MROH7: variants seen among roughly 807,000 people sequenced by gnomAD.
The protein encoded by MROH7 is maestro heat like repeat family member 7, also known as maestro heat-like repeat-containing protein family member 7.
In MROH7, 113 loss-of-function variants were observed where a neutral mutation model predicts 129.2. The observed-to-expected ratio is 0.87, with a 90% CI of 0.75 to 1.02. MROH7 has a LOEUF of 1.02. Ranked by LOEUF, MROH7 falls within the 50% of genes least tolerant of loss-of-function variation. The pLI, the probability that MROH7 is intolerant of heterozygous loss-of-function variation, is 0.00. For missense variants in MROH7, 1,601 were observed against 1,671.3 expected (o/e 0.96, Z 0.73); for synonymous variants, 655 against 667.9 (o/e 0.98, Z 0.30).
At chr1:54,676,959 G>A (rs1433964126) in intron 10 of MROH7, among the ~76,000 whole-genome samples, 1 of 151,906 alleles carries the variant, frequency 6.6e-6, no homozygotes. Context: ...CGTCCCCCTC[G>A]ACCTCCCAAA....
intron 13 of MROH7, among the ~76,000 whole-genome samples, chr1:54,680,869 G>T (rs964782281): frequency 2.0e-5 from 3 of 152,228 alleles, no homozygotes; most frequent in Non-Finnish European, 2.9e-5. Flanking sequence ...GATCAGTCAG[G>T]ATGGTGAGGG....
At chr1:54,646,128 G>A (rs1236601630) in intron 1 of MROH7, among the ~76,000 whole-genome samples, 6 of 152,288 alleles carry the variant, frequency 3.9e-5, no homozygotes, top group Admixed American at 3.9e-4. Flanking sequence ...CATTTCCCTG[G>A]GCCACTTGTT....
At chr1:54,660,947 T>A (rs1289695892) in intron 3 of MROH7, among the ~76,000 whole-genome samples, 1 of 152,166 alleles carries the variant, frequency 6.6e-6, no homozygotes, top group Non-Finnish European at 1.5e-5. Flanking sequence ...TAAGCATCTT[T>A]TTACATGATT....
chr1:54,696,012 AGTT>A, intron 17 of MROH7, among the ~76,000 whole-genome samples: 1 of 152,234 alleles, frequency 6.6e-6, no homozygotes, highest in African/African-American at 2.4e-5. Flanking sequence ...AGTCAGGAGA[AGTT>A]GGTGGGGACA....
Position 54,673,761 on chromosome 1 carries a change from A to G in MROH7, c.1756A>G (p.Asn586Asp). Residue 586 changes from asparagine to aspartate, a missense_variant, in exon 9 of 24, where the codon AAT becomes GAT. Physicochemically the swap from Asn to Asp is conservative, Grantham distance 23. Transcript: ENST00000421030. ...AHERARAVNT[N>D]VSVLNHMLLT... The stretch of plus-strand genomic sequence containing the variant: ...TGAGCGAGCACGGGCTGTGAACACC[A>G]ATGTCTCTGTGTTGAACCACATGCT... The G allele has an allele frequency of 6.2e-7, 1 of 1,614,146 alleles. No individual in the cohort carries two copies. The highest frequency in any genetic ancestry group is 1.7e-5 in the Admixed American group (1 of 60,014).
intron 21 of MROH7, among the ~76,000 whole-genome samples, chr1:54,705,588 G>A (rs1373651263): frequency 6.6e-6 from 1 of 152,106 alleles, no homozygotes; most frequent in Admixed American, 6.5e-5. Context: ...AGGATGAGAG[G>A]GAATTTATGA....
Position 54,709,942 on chromosome 1 carries a change from G to A in MROH7, c.3731-4G>A, listed in dbSNP as rs138724428. On this transcript the variant is annotated splice_region_variant and splice_polypyrimidine_tract_variant and intron_variant, in intron 23 of 23. Transcript: ENST00000421030. ...AGGAGGCTTCTCCCTTCCCCATGACGCAGCTCTGGATAACTTGAGACATGA... is the reference window on the plus strand; with the variant it reads ...AGGAGGCTTCTCCCTTCCCCATGACACAGCTCTGGATAACTTGAGACATGA... The A allele has an allele frequency of 4.4e-5, 71 of 1,608,280 alleles. No homozygotes were observed. Among genetic ancestry groups the A allele is most frequent in the African/African-American group, 4.4e-4 (33 of 74,890 alleles).
At chr1:54,652,688 G>A (rs929030523) in intron 2 of MROH7, among the ~76,000 whole-genome samples, 165 bp from the exon 3 acceptor site, 2 of 152,198 alleles carry the variant, frequency 1.3e-5, no homozygotes, top group Non-Finnish European at 2.9e-5. Context: ...AGAACTGAGA[G>A]ACTGTGGAGG....
chr1:54,643,338 A>G (rs141902147), intron 1 of MROH7, among the ~76,000 whole-genome samples: 21 of 152,318 alleles, frequency 1.4e-4, no homozygotes, highest in African/African-American at 4.6e-4. Context: ...AAGAGGAAAG[A>G]GTATTTGCAA....
chr1:54,660,087 T>G (rs1004528575), intron 3 of MROH7, among the ~76,000 whole-genome samples: 4 of 152,212 alleles, frequency 2.6e-5, no homozygotes, highest in Non-Finnish European at 5.9e-5. Context: ...AGTGGTAATC[T>G]TAGTCTGTTT....
chr1:54,646,966 A>G (rs952708111), intron 1 of MROH7, among the ~76,000 whole-genome samples: 3 of 152,236 alleles, frequency 2.0e-5, no homozygotes, highest in African/African-American at 7.2e-5. Context: ...TTTCACATGC[A>G]TGAGTACTTC....
At chr1:54,699,153 T>TCCTTC (rs1491274341) in intron 17 of MROH7, 5 of 84,906 alleles carry the variant, frequency 5.9e-5, no homozygotes, top group African/African-American at 1.3e-4. Flanking sequence ...TTTCTTTCTT[T>TCCTTC]CTTTCTTTTC....
Position 54,653,313 on chromosome 1 carries a change from G to C in MROH7, c.387G>C (p.Leu129=), listed in dbSNP as rs1330785556. Residue 129 remains leucine, a synonymous_variant, in exon 3 of 24, where the codon CTG becomes CTC. Transcript: ENST00000421030. ...GRLCPASNPI[L]SPSSTEAPRL... ...TCTGTCCAGCCTCAAACCCCATTCTGAGCCCTAGCTCTACTGAGGCCCCTC... is the reference window on the plus strand; with the variant it reads ...TCTGTCCAGCCTCAAACCCCATTCTCAGCCCTAGCTCTACTGAGGCCCCTC... 3 of 1,614,158 alleles carry C rather than the reference G, an allele frequency of 1.9e-6. No homozygotes were observed. Among genetic ancestry groups the C allele is most frequent in the Non-Finnish European group, 8.5e-7 (1 of 1,180,034 alleles).
At chr1:54,679,141 G>A in intron 11 of MROH7, 122 bp from the exon 12 acceptor site, 1 of 981,610 alleles carries the variant, frequency 1.0e-6, no homozygotes, top group East Asian at 2.4e-5. Flanking sequence ...AATATTCCTG[G>A]CCCTCCCTGC....
Position 54,692,524 on chromosome 1 carries a change from G to C in MROH7, c.2812G>C (p.Val938Leu). The change falls in exon 16 of 24, where the codon GTG (valine) becomes CTG (leucine). Residue 938 changes from valine (V) to leucine (L), a missense_variant. Coordinates refer to ENST00000421030, the MANE Select transcript of MROH7 (RefSeq NM_001039464.4). ...DQGGWELMEQ[V>L]ESHHRGVALL... ...GGGTGGCTGGGAGCTCATGGAGCAG[G>C]TGGAGAGCCACCACCGCGGAGTGGC... is the stretch of plus-strand genomic sequence containing the variant. 6.2e-7 allele frequency: 1 copy of C among 1,613,926 alleles called. No homozygotes were observed. The highest frequency in any genetic ancestry group is 8.5e-7 in the Non-Finnish European group (1 of 1,179,986).
rs1644717956 is a variant in MROH7, at chr1:54,660,666, T to C, written c.1232-4501T>C. Among the ~76,000 whole-genome samples the C allele has an allele frequency of 4.6e-5, 7 of 151,922 alleles. No individual in the cohort carries two copies. The South Asian group carries it at 1.5e-3, about 32-fold the overall frequency. The stretch of plus-strand genomic sequence containing the variant: ...CCAACTCTACTAAAAATACAAAAAA[T>C]TAGCCAGACATGGTGGCACATGCCT... On this transcript the variant is annotated intron_variant, in intron 3 of 23. Transcript: ENST00000421030.
Position 54,700,319 on chromosome 1 carries a change from A to C in MROH7, c.2965-2A>C, listed in dbSNP as rs767405754. 62 of 1,613,964 alleles carry C rather than the reference A, an allele frequency of 3.8e-5. No homozygotes were observed. Among genetic ancestry groups the C allele is most frequent in the Non-Finnish European group, 5.2e-5 (61 of 1,180,008 alleles). On this transcript the variant is annotated splice_acceptor_variant, in intron 17 of 23. Coordinates refer to ENST00000421030, the MANE Select transcript of MROH7 (RefSeq NM_001039464.4). LOFTEE classifies it high-confidence loss of function. ...GGAAGTAATGACCCTTTGCTCCCTC[A>C]GCTCCTCCAGATGGAGCAGGTGCGC...
intron 10 of MROH7, among the ~76,000 whole-genome samples, chr1:54,677,007 G>A (rs1050832434): frequency 5.9e-5 from 9 of 152,040 alleles, no homozygotes; most frequent in Admixed American, 2.0e-4. Context: ...GTGCCCAGCC[G>A]CTAATTTATT....
chr1:54,662,388 T>G (rs1475370201), intron 3 of MROH7, among the ~76,000 whole-genome samples: 5 of 149,316 alleles, frequency 3.3e-5, no homozygotes, highest in Admixed American at 3.3e-4. Flanking sequence ...ATACAAAAAT[T>G]AGCCGGGCAT....
Sources: allele counts gnomAD v4.1 joint callset (sites outside exome capture counted in the v4.1 genomes callset), GRCh38; gene constraint gnomAD v4.1.1; transcripts MANE v1.5; gene names NCBI Gene and HGNC (gene_info 2026-07-23, HGNC 2026-07-21).